The following TMEM97 variants were observed in gnomAD, a reference collection of about 807,000 sequenced individuals.
TMEM97 encodes the protein sigma intracellular receptor 2.
In TMEM97, 13 loss-of-function variants were observed where a neutral mutation model predicts 18.3. The ratio of observed to expected loss-of-function variants is 0.71; its 90% confidence interval spans 0.46 to 1.13. TMEM97 has a LOEUF of 1.13. Ranked by LOEUF, TMEM97 falls within the 50% of genes most tolerant of loss-of-function variation. The pLI is 0.00. For synonymous variants in TMEM97, 76 were observed against 85.3 expected, an observed-to-expected ratio of 0.89 and a Z score of 0.60; for missense variants, 205 against 210.5, an observed-to-expected ratio of 0.97 and a Z score of 0.16.
At position 28,326,963 on chromosome 17, in the gene TMEM97, C is replaced by CT; in HGVS notation, c.*170_*171insT. ...ACCATGTCAAACCCTCACCTTCTTC[C>CT]ATTTTTTTTTTTTTTTTAAGACAGT... On this transcript the variant is annotated 3_prime_UTR_variant, in exon 3 of 3. Coordinates refer to ENST00000226230, the MANE Select transcript of TMEM97 (RefSeq NM_014573.3). 1.2e-6 allele frequency: 1 copy of CT among 805,114 alleles called. No homozygotes were observed. Among genetic ancestry groups the CT allele is most frequent in the Non-Finnish European group, 1.9e-6 (1 of 530,510 alleles). The allele number at this position is 805,114 out of a possible 1,614,324, so 49.9% of individuals were successfully genotyped here.
At chr17:28,325,747 T>C in intron 2 of TMEM97, 100 bp downstream of exon 2, 1 of 1,509,910 alleles carries the variant, frequency 6.6e-7, no homozygotes, top group Admixed American at 1.8e-5. Flanking sequence ...TCCCCATAGT[T>C]TGTGGGAGAA....
At position 28,326,780 on chromosome 17, in the gene TMEM97, GA is replaced by G. The variant is rs781830688; in HGVS notation, c.528del (p.Lys176AsnfsTer188). On this transcript the variant is annotated frameshift_variant, in exon 3 of 3. Coordinates refer to ENST00000226230, the MANE Select transcript of TMEM97 (RefSeq NM_014573.3). LOFTEE classifies it high-confidence loss of function. ...RSPYYKYEEKRKKK is the reference protein window; with the variant it reads ...RSPYYKYEEKXKKK ...CCCTACTACAAGTATGAAGAGAAAA[GA>G]AAAAAAAAATGAAGGAAACAACCAC... 131 of 1,489,834 alleles carry G rather than the reference GA, an allele frequency of 8.8e-5. No homozygotes were observed. Among genetic ancestry groups the G allele is most frequent in the Admixed American group, 3.7e-4 (19 of 51,232 alleles). 92.3% of individuals were successfully genotyped at this position (1,489,834 alleles called of 1,614,324 possible).
Position 28,325,552 on chromosome 17 carries a change from T to C in TMEM97, c.176T>C (p.Leu59Pro). The C allele has an allele frequency of 6.2e-7, 1 of 1,614,248 alleles. No individual in the cohort carries two copies. The highest frequency in any genetic ancestry group is 1.1e-5 in the South Asian group (1 of 91,090). Residue 59 changes from leucine (L) to proline (P), a missense_variant, in exon 2 of 3, where the codon CTA becomes CCA. Physicochemically the swap from Leu to Pro is moderately conservative, Grantham distance 98. Coordinates refer to ENST00000226230, the MANE Select transcript of TMEM97 (RefSeq NM_014573.3). ...WYAKEFKDPL[L>P]QEPPAWFKSF... ...GCTAAGGAGTTCAAAGACCCACTGCTACAGGAGCCCCCAGCCTGGTTTAAG... is the reference window on the plus strand; with the variant it reads ...GCTAAGGAGTTCAAAGACCCACTGCCACAGGAGCCCCCAGCCTGGTTTAAG...
chr17:28,321,979 G>A (rs1449457307), intron 1 of TMEM97, among the ~76,000 whole-genome samples: 5 of 152,110 alleles, frequency 3.3e-5, no homozygotes, highest in Admixed American at 6.5e-5. Flanking sequence ...CTTTGGTGTA[G>A]GAAATGCTGA....
Position 28,319,263 on chromosome 17 carries a change from C to A in TMEM97, c.24C>A (p.Arg8=). The A allele has an allele frequency of 6.2e-7, 1 of 1,610,460 alleles. No individual in the cohort carries two copies. The highest frequency in any genetic ancestry group is 8.5e-7 in the Non-Finnish European group (1 of 1,178,310). Reference sequence around the variant, plus strand: ...CTATGGGGGCTCCGGCAACCAGGCGCTGCGTGGAGTGGCTGCTGGGCCTCT... The same window carrying A: ...CTATGGGGGCTCCGGCAACCAGGCGATGCGTGGAGTGGCTGCTGGGCCTCT... The part of the protein sequence containing the change: MGAPATR[R]CVEWLLGLYF... Residue 8 remains arginine (R), a synonymous_variant, in exon 1 of 3, where the codon CGC becomes CGA. Coordinates refer to ENST00000226230, the MANE Select transcript of TMEM97 (RefSeq NM_014573.3).
Position 28,327,600 on chromosome 17 carries a change from C to T in TMEM97, c.*807C>T, listed in dbSNP as rs1335016954. 2.6e-5 allele frequency: 4 copies of T among 152,232 alleles called. No homozygotes were observed. Among genetic ancestry groups the T allele is most frequent in the African/African-American group, 9.6e-5 (4 of 41,536 alleles). The allele number at this position is 152,232 out of a possible 1,614,324, so 9.4% of individuals were successfully genotyped here. On this transcript the variant is annotated 3_prime_UTR_variant, in exon 3 of 3. Coordinates refer to ENST00000226230, the MANE Select transcript of TMEM97 (RefSeq NM_014573.3). ...AAATTTTGCCTCTTTAATGTTAATT[C>T]AAAACTATATCAATGTTTTCTTGTT...
chr17:28,326,354 G>A (rs1906332160), intron 2 of TMEM97, among the ~76,000 whole-genome samples, 180 bp from the exon 3 acceptor site: 1 of 152,130 alleles, frequency 6.6e-6, no homozygotes, highest in African/African-American at 2.4e-5. Flanking sequence ...GCGAGCTGTC[G>A]GTGAGCTGTC....
Position 28,328,607 on chromosome 17 carries a change from C to T in TMEM97, c.*1814C>T. 1 of 1,346,880 alleles carries T rather than the reference C, an allele frequency of 7.4e-7. No homozygotes were observed. Among genetic ancestry groups the T allele is most frequent in the Non-Finnish European group, 1.0e-6 (1 of 961,030 alleles). The allele number at this position is 1,346,880 out of a possible 1,614,324, so 83.4% of individuals were successfully genotyped here. A position where few individuals can be genotyped will look rare whatever the true frequency, so the allele number is the denominator to read the frequency against. ...CAGAGGTTTTTTTGGTTTTGAGAGG[C>T]TTTTTTTTGTTTTGCCTTCCTACTA... On this transcript the variant is annotated 3_prime_UTR_variant, in exon 3 of 3. Coordinates refer to ENST00000226230, the MANE Select transcript of TMEM97 (RefSeq NM_014573.3).
In TMEM97 at chr17:28,326,760, C is replaced by CT. The variant is rs1392955624; in HGVS notation, c.499dup (p.Tyr167LeufsTer4). 4 of 1,613,560 alleles carry CT rather than the reference C, an allele frequency of 2.5e-6. No individual in the cohort carries two copies. In the African/African-American group the frequency reaches 5.4e-5, roughly 22 times the overall value. On this transcript the variant is annotated frameshift_variant, in exon 3 of 3. Coordinates refer to ENST00000226230, the MANE Select transcript of TMEM97 (RefSeq NM_014573.3). LOFTEE classifies it high-confidence loss of function. The stretch of plus-strand genomic sequence containing the variant: ...TAATTTTCATGTTGCGGAGCCCCTA[C>CT]TACAAGTATGAAGAGAAAAGAAAAA...
At chr17:28,325,668 T>A in intron 2 of TMEM97, 21 bp downstream of exon 2, 1 of 1,613,672 alleles carries the variant, frequency 6.2e-7, no homozygotes, top group Non-Finnish European at 8.5e-7. Flanking sequence ...GGTGGGAAAA[T>A]CCCATTTTTA....
At chr17:28,324,254 A>G (rs993748059) in intron 1 of TMEM97, among the ~76,000 whole-genome samples, 3 of 152,224 alleles carry the variant, frequency 2.0e-5, no homozygotes, top group Non-Finnish European at 2.9e-5. Flanking sequence ...ATGAATTTCA[A>G]TTTCAAATTA....
Position 28,326,739 on chromosome 17 carries a change from T to C in TMEM97, c.477T>C (p.Ile159=). 1 of 1,614,044 alleles carries C rather than the reference T, an allele frequency of 6.2e-7. No individual in the cohort carries two copies. Among genetic ancestry groups the C allele is most frequent in the South Asian group, 1.1e-5 (1 of 91,070 alleles). ...TACTCATCCCATTCATACTTTTAAT[T>C]TTCATGTTGCGGAGCCCCTACTACA... ...PYLLIPFILL[I]FMLRSPYYKY... The change falls in exon 3 of 3, where the codon ATT becomes ATC. Residue 159 remains isoleucine (I), a synonymous_variant. Transcript: ENST00000226230.
At chr17:28,325,701 T>C (rs1284545684) in intron 2 of TMEM97, 54 bp downstream of exon 2, 4 of 1,609,082 alleles carry the variant, frequency 2.5e-6, no homozygotes, top group Non-Finnish European at 2.5e-6. Context: ...GTCCCAGAAA[T>C]CTTTTGGGAA....
intron 1 of TMEM97, 81 bp downstream of exon 1, chr17:28,319,446 G>T: frequency 7.0e-7 from 1 of 1,427,934 alleles, no homozygotes; most frequent in South Asian, 1.5e-5. Flanking sequence ...CTCCGCGCTC[G>T]CGCACTCTGG....
Position 28,326,964 on chromosome 17 carries a change from A to ATTTTTT in TMEM97, c.*182_*187dup. On this transcript the variant is annotated 3_prime_UTR_variant, in exon 3 of 3. Coordinates refer to ENST00000226230, the MANE Select transcript of TMEM97 (RefSeq NM_014573.3). ...CCATGTCAAACCCTCACCTTCTTCC[A>ATTTTTT]TTTTTTTTTTTTTTTTAAGACAGTC... 1.6e-6 allele frequency: 1 copy of ATTTTTT among 619,520 alleles called. No individual in the cohort carries two copies. Among genetic ancestry groups the ATTTTTT allele is most frequent in the Non-Finnish European group, 2.6e-6 (1 of 387,792 alleles). 38.4% of individuals were successfully genotyped at this position (619,520 alleles called of 1,614,324 possible).
rs1192587446 is a variant in TMEM97, at chr17:28,327,784, GTTTT to G, written c.*996_*999del. 2 of 152,106 alleles carry G rather than the reference GTTTT, an allele frequency of 1.3e-5. No individual in the cohort carries two copies. Among genetic ancestry groups the G allele is most frequent in the African/African-American group, 2.4e-5 (1 of 41,436 alleles). 9.4% of individuals were successfully genotyped at this position (152,106 alleles called of 1,614,324 possible). A position where few individuals can be genotyped will look rare whatever the true frequency, so the allele number is the denominator to read the frequency against. Reference sequence around the variant, plus strand: ...TGTAAACAGATCATCCTAGGCGAAAGTTTTTTTTGTTTGTTTGCTTTTAAATTAG... The same window carrying G: ...TGTAAACAGATCATCCTAGGCGAAAGTTTTGTTTGTTTGCTTTTAAATTAG... On this transcript the variant is annotated 3_prime_UTR_variant, in exon 3 of 3. Transcript: ENST00000226230.
chr17:28,320,017 A>T (rs1030808274), intron 1 of TMEM97, among the ~76,000 whole-genome samples: 1 of 151,902 alleles, frequency 6.6e-6, no homozygotes, highest in Non-Finnish European at 1.5e-5. Context: ...TCAACCCCAA[A>T]CTCTGCTTTA....
At chr17:28,321,751 C>T (rs909721583) in intron 1 of TMEM97, among the ~76,000 whole-genome samples, 3 of 151,418 alleles carry the variant, frequency 2.0e-5, no homozygotes, top group African/African-American at 7.3e-5. Context: ...TTAATGCTGA[C>T]TTACTGCAGA....
chr17:28,323,642 A>G (rs1303338320), intron 1 of TMEM97, among the ~76,000 whole-genome samples: 2 of 151,896 alleles, frequency 1.3e-5, no homozygotes, highest in African/African-American at 4.8e-5. Flanking sequence ...CAGGTGATCC[A>G]CCCGCCTTGA....
Sources: allele counts gnomAD v4.1 joint callset (sites outside exome capture counted in the v4.1 genomes callset), GRCh38; gene constraint gnomAD v4.1.1; transcripts MANE v1.5; gene names NCBI Gene and HGNC (gene_info 2026-07-23, HGNC 2026-07-21).